The following DEDD2 variants were observed in gnomAD, a reference collection of about 807,000 sequenced individuals.
DEDD2 encodes the protein death effector domain containing 2.
In DEDD2, 18 loss-of-function variants were observed where a neutral mutation model predicts 28.9. The observed-to-expected ratio is 0.62, with a 90% confidence interval of 0.43 to 0.92. The LOEUF is 0.92. Among genes scored for constraint, DEDD2 ranks in the 40% least tolerant of loss-of-function variants. The probability of loss-of-function intolerance (pLI) is 0.00; values close to 1 mark genes in which losing one functional copy is unlikely to be tolerated. For missense variants in DEDD2, 411 were observed against 463.3 expected (o/e 0.89, Z 1.04); for synonymous variants, 211 against 206.1 (o/e 1.02, Z -0.20).
At chr19:42,200,477 A>G (rs1487914928) in intron 4 of DEDD2, among the ~76,000 whole-genome samples, 3 of 152,230 alleles carry the variant, frequency 2.0e-5, no homozygotes, top group African/African-American at 7.2e-5. Flanking sequence ...CATGGTGCCA[A>G]CCACATCCCC....
chr19:42,216,905 C>T lies in DEDD2; in HGVS notation c.103G>A (p.Gly35Arg), dbSNP rs1599792022. The change falls in exon 2 of 5, where the codon GGG (glycine) becomes AGG (arginine). Residue 35 changes from glycine to arginine, a missense_variant. Gly to Arg is a moderately radical substitution (Grantham distance 125). Transcript: ENST00000596251. Reference sequence around the variant, plus strand: ...TCCAGCTCGCACTCGGTCAGTTGCCCGCCCACCACCTCGAACATACGGTGA... The same window carrying T: ...TCCAGCTCGCACTCGGTCAGTTGCCTGCCCACCACCTCGAACATACGGTGA... ...SLHRMFEVVG[G>R]QLTECELELL... The T allele has an allele frequency of 1.9e-6, 3 of 1,598,918 alleles. No homozygotes were observed. The highest frequency in any genetic ancestry group is 4.6e-5 in the East Asian group (2 of 43,712).
intron 4 of DEDD2, among the ~76,000 whole-genome samples, chr19:42,200,577 C>G (rs1356860913): frequency 6.6e-6 from 1 of 152,200 alleles, no homozygotes; most frequent in African/African-American, 2.4e-5. Flanking sequence ...GCTGGCTCTA[C>G]TGGGAGTCAG....
chr19:42,211,255 C>T (rs1426474768), intron 3 of DEDD2, among the ~76,000 whole-genome samples: 1 of 151,882 alleles, frequency 6.6e-6, no homozygotes, highest in Non-Finnish European at 1.5e-5. Flanking sequence ...TGTGGTAGCA[C>T]GTGCCTGTAG....
intron 3 of DEDD2, among the ~76,000 whole-genome samples, chr19:42,211,188 C>T (rs1259730872): frequency 6.6e-6 from 1 of 151,812 alleles, no homozygotes; most frequent in Admixed American, 6.6e-5. Flanking sequence ...ACCTGGAACC[C>T]GGGCAACATG....
intron 3 of DEDD2, among the ~76,000 whole-genome samples, chr19:42,212,376 A>ATTTGTGATGT (rs1568450908): frequency 6.6e-6 from 1 of 151,624 alleles, no homozygotes; most frequent in Non-Finnish European, 1.5e-5. Context: ...AAAAAAAAGT[A>ATTTGTGATGT]TTTGTGATGT....
At chr19:42,209,265 C>A (rs575221461) in intron 4 of DEDD2, among the ~76,000 whole-genome samples, 14 of 151,832 alleles carry the variant, frequency 9.2e-5, no homozygotes, top group South Asian at 4.2e-4. Context: ...AGAAAAGAAA[C>A]GAAACTGAGG....
intron 4 of DEDD2, among the ~76,000 whole-genome samples, chr19:42,202,789 C>T (rs1359463232): frequency 6.6e-6 from 1 of 152,218 alleles, no homozygotes; most frequent in African/African-American, 2.4e-5. Context: ...CAGCAGACCA[C>T]ACACTCCCAC....
Position 42,201,716 on chromosome 19 carries a change from T to C in DEDD2, c.590-1887A>G, listed in dbSNP as rs544212146. ...CTCCTTCCACCCCAAACCCTTCCTC[T>C]TTCTGGCTCTAGGGGAACCCCATCC... On this transcript the variant is annotated intron_variant, in intron 4 of 4. Transcript: ENST00000596251. 1.1e-4 allele frequency: 38 copies of C among 331,484 alleles called. No individual in the cohort carries two copies. In the East Asian group the frequency reaches 1.7e-3, roughly 15 times the overall value. The allele number at this position is 331,484 out of a possible 1,614,324, so 20.5% of individuals were successfully genotyped here. A position where few individuals can be genotyped will look rare whatever the true frequency, so the allele number is the denominator to read the frequency against.
In DEDD2 at chr19:42,216,693, C is replaced by T; in HGVS notation, c.315G>A (p.Lys105=). ...ATTCAACCGTACCTGGCCGGCGCCG[C>T]TTGCGCGCCAGGTGCGGCAGCAGGT... is the stretch of plus-strand genomic sequence containing the variant. ...RHDLLPHLAR[K]RRRPVSPERY... Residue 105 remains lysine, a synonymous_variant, in exon 2 of 5, where the codon AAG becomes AAA. Transcript: ENST00000596251. 6.3e-7 allele frequency: 1 copy of T among 1,579,030 alleles called. No individual in the cohort carries two copies. The highest frequency in any genetic ancestry group is 1.1e-5 in the South Asian group (1 of 87,286).
intron 4 of DEDD2, among the ~76,000 whole-genome samples, chr19:42,201,374 TA>T (rs1164351780): frequency 6.6e-6 from 1 of 152,160 alleles, no homozygotes; most frequent in Non-Finnish European, 1.5e-5. Context: ...GAGGAGCTGT[TA>T]AGAGGATTAA....
intron 4 of DEDD2, among the ~76,000 whole-genome samples, chr19:42,203,091 G>A (rs945959832): frequency 3.3e-5 from 5 of 152,184 alleles, no homozygotes; most frequent in Non-Finnish European, 4.4e-5. Flanking sequence ...AGGCACACAG[G>A]TTGAGTCACC....
intron 4 of DEDD2, chr19:42,202,009 T>C: frequency 2.5e-6 from 1 of 398,774 alleles, no homozygotes; most frequent in Non-Finnish European, 4.4e-6. Context: ...GTCCCAGCTC[T>C]GCCACTCTCT....
intron 3 of DEDD2, among the ~76,000 whole-genome samples, chr19:42,210,201 T>G (rs1599772804): frequency 6.6e-6 from 1 of 152,072 alleles, no homozygotes; most frequent in Non-Finnish European, 1.5e-5. Flanking sequence ...TATAGGGAGA[T>G]GTCCAGGATA....
In DEDD2 at chr19:42,216,686, G is replaced by T; in HGVS notation, c.322C>A (p.Arg108=). Residue 108 remains arginine, a synonymous_variant, in exon 2 of 5, where the codon CGG becomes AGG. Transcript: ENST00000596251. ...LLPHLARKRR[R]PVSPERYSYG... ...CCCTCCCATTCAACCGTACCTGGCC[G>T]GCGCCGCTTGCGCGCCAGGTGCGGC... 1 of 1,573,376 alleles carries T rather than the reference G, an allele frequency of 6.4e-7. No individual in the cohort carries two copies.
chr19:42,211,640 T>C (rs1214984444), intron 3 of DEDD2, among the ~76,000 whole-genome samples: 1 of 152,216 alleles, frequency 6.6e-6, no homozygotes, highest in Non-Finnish European at 1.5e-5. Context: ...CAGTCAGCAG[T>C]TGTACTGACT....
rs777009670 is a variant in DEDD2, at chr19:42,199,789, C to T, written c.630G>A (p.Gly210=). Residue 210 remains glycine, a synonymous_variant, in exon 5 of 5, where the codon GGG becomes GGA. Coordinates refer to ENST00000596251, the MANE Select transcript of DEDD2 (RefSeq NM_133328.4). The surrounding 1 kb of genome is among the most constrained non-coding windows in gnomAD (Gnocchi z 7.4). ...ATGCCACGCCCTGCTCCAAGGCTGG[C>T]CCATGCTCGCAGTACTCTGCTCGAA... ...LRVRAEYCEH[G]PALEQGVASR... is the part of the protein sequence containing the mutation. 12 of 1,605,540 alleles carry T rather than the reference C, an allele frequency of 7.5e-6. No individual in the cohort carries two copies. The East Asian group carries it at 2.5e-4, about 33-fold the overall frequency.
chr19:42,216,177 T>C (rs1314491170), intron 2 of DEDD2, among the ~76,000 whole-genome samples: 1 of 152,218 alleles, frequency 6.6e-6, no homozygotes. Context: ...TTAGTCTTCC[T>C]ACAACAGCGT....
At chr19:42,205,416 G>C (rs2035492847) in intron 4 of DEDD2, among the ~76,000 whole-genome samples, 1 of 151,890 alleles carries the variant, frequency 6.6e-6, no homozygotes, top group African/African-American at 2.4e-5. Context: ...GATCACCTGA[G>C]GTCGGGAGTT....
At chr19:42,204,814 C>T (rs531568781) in intron 4 of DEDD2, among the ~76,000 whole-genome samples, 1 of 151,526 alleles carries the variant, frequency 6.6e-6, no homozygotes, top group South Asian at 2.1e-4. Context: ...GGTGGGAACC[C>T]TCCCAGCATC....
Sources: allele counts gnomAD v4.1 joint callset (sites outside exome capture counted in the v4.1 genomes callset), GRCh38; gene constraint gnomAD v4.1.1; non-coding constraint Gnocchi (gnomAD v3.1); transcripts MANE v1.5; gene names NCBI Gene and HGNC (gene_info 2026-07-23, HGNC 2026-07-21).